WDR7: variants seen among roughly 807,000 people sequenced by gnomAD.
WDR7 encodes the protein WD repeat-containing protein 7.
Under a neutral mutation model 169.4 loss-of-function variants are expected in WDR7, and 46 were observed. The observed-to-expected ratio is 0.27, with a 90% CI of 0.21 to 0.35. The LOEUF (loss-of-function observed/expected upper bound fraction) is 0.35, where lower values mean the gene tolerates loss of function less well. WDR7 is among the 10% of genes least tolerant of loss of function. WDR7 has a pLI of 1.00. For missense variants in WDR7, 1,534 were observed against 1,859.3 expected (o/e 0.83, Z 3.22); for synonymous variants, 612 against 666.8 (o/e 0.92, Z 1.27).
intron 20 of WDR7, among the ~76,000 whole-genome samples, chr18:56,875,999 G>T (rs1421528912): frequency 1.3e-5 from 2 of 152,098 alleles, no homozygotes; most frequent in Non-Finnish European, 2.9e-5. Flanking sequence ...AACAGTGAAT[G>T]AATCTAACAT....
intron 26 of WDR7, among the ~76,000 whole-genome samples, chr18:56,995,128 T>G (rs1051495288): frequency 6.6e-6 from 1 of 152,202 alleles, no homozygotes; most frequent in Admixed American, 6.5e-5. Flanking sequence ...CTAAGGATAT[T>G]AAATTCTGAA....
chr18:56,656,061 T>G (rs2024761544), intron 1 of WDR7, among the ~76,000 whole-genome samples: 1 of 151,964 alleles, frequency 6.6e-6, no homozygotes, highest in African/African-American at 2.4e-5. Context: ...TTGTACAGTT[T>G]TGTGTGTGTG....
At chr18:56,930,713 G>A (rs1225882248) in intron 22 of WDR7, among the ~76,000 whole-genome samples, 3 of 152,194 alleles carry the variant, frequency 2.0e-5, no homozygotes, top group African/African-American at 4.8e-5. Context: ...CATTAAGTAT[G>A]TGTTTTTAAA....
chr18:56,782,724 T>C (rs1251774141), intron 19 of WDR7, among the ~76,000 whole-genome samples: 1 of 152,072 alleles, frequency 6.6e-6, no homozygotes, highest in East Asian at 1.9e-4. Flanking sequence ...AGAAGGAAAA[T>C]GAAAACAAAA....
At chr18:56,976,315 A>AGTG (rs1254923238) in intron 26 of WDR7, among the ~76,000 whole-genome samples, 1 of 152,238 alleles carries the variant, frequency 6.6e-6, no homozygotes, top group Non-Finnish European at 1.5e-5. Context: ...TAGTGAGAAA[A>AGTG]AGGATGTGCT....
chr18:56,863,527 A>G (rs1174665819), intron 20 of WDR7, among the ~76,000 whole-genome samples: 2 of 151,642 alleles, frequency 1.3e-5, no homozygotes, highest in Admixed American at 1.3e-4. Flanking sequence ...AATTTTATAA[A>G]TTATTATAGA....
At chr18:56,860,706 AT>A (rs35730599) in intron 20 of WDR7, among the ~76,000 whole-genome samples, 8,605 of 152,228 alleles carry the variant, frequency 0.057, 854 homozygotes, top group African/African-American at 0.2. Context: ...AGTTAAAAAA[AT>A]GTCTTTATTA....
rs3745041 is a variant in WDR7 at position 56,731,184 on chromosome 18, C to T, written c.1775-199C>T. ...CTTTATTGGGAAGTTGCATCAGGGACTTTGTGGGAGAGGAATTCATTGAGG... is the reference window on the plus strand; with the variant it reads ...CTTTATTGGGAAGTTGCATCAGGGATTTTGTGGGAGAGGAATTCATTGAGG... On this transcript the variant is annotated intron_variant, in intron 13 of 27. Coordinates refer to ENST00000254442, the MANE Select transcript of WDR7 (RefSeq NM_015285.3). Among the ~76,000 whole-genome samples the T allele has an allele frequency of 3.4e-3, 524 of 151,934 alleles. 1 individual carries two copies. The highest frequency in any genetic ancestry group is 0.028 in the East Asian group (147 of 5,170).
chr18:57,032,527 A>G (rs2048446425), downstream of WDR7: 1 of 152,124 alleles, frequency 6.6e-6, no homozygotes, highest in South Asian at 2.1e-4. Context: ...GAGCCAGCAA[A>G]GTTTCATCTG....
At chr18:56,902,200 A>T (rs2046412702) in intron 21 of WDR7, among the ~76,000 whole-genome samples, 1 of 152,148 alleles carries the variant, frequency 6.6e-6, no homozygotes, top group South Asian at 2.1e-4. Flanking sequence ...GCAATAACAC[A>T]AGTCCTAAAA....
Position 56,694,656 on chromosome 18 carries a change from G to A in WDR7, c.1004G>A (p.Gly335Glu), listed in dbSNP as rs1363097118. Residue 335 changes from glycine to glutamate, a missense_variant, in exon 10 of 28, where the codon GGA (glycine) becomes GAA (glutamate). Gly to Glu is a moderately conservative substitution (Grantham distance 98). Coordinates refer to ENST00000254442, the MANE Select transcript of WDR7 (RefSeq NM_015285.3). ...CCTCCTGTTACTCGGTTCTTCTATGGATGCAGAGAATATTTCCATAAACTG... is the reference window on the plus strand; with the variant it reads ...CCTCCTGTTACTCGGTTCTTCTATGAATGCAGAGAATATTTCCATAAACTG... Reference protein sequence around the residue: ...ICPPVTRFFYGCREYFHKLLI... With the variant: ...ICPPVTRFFYECREYFHKLLI... 1 of 1,612,420 alleles carries A rather than the reference G, an allele frequency of 6.2e-7. No individual in the cohort carries two copies. The highest frequency in any genetic ancestry group is 1.7e-5 in the Admixed American group (1 of 59,952).
At position 56,700,035 on chromosome 18, in the gene WDR7, A is replaced by C. The variant is rs1440984622; in HGVS notation, c.1578+3573A>C. The C allele has an allele frequency of 1.8e-5, 5 of 276,420 alleles. No homozygotes were observed. In the East Asian group the frequency reaches 8.8e-4, roughly 48 times the overall value. 17.1% of individuals were successfully genotyped at this position (276,420 alleles called of 1,614,324 possible). ...TAGCATTAATTTAGTGGCAGACTTA[A>C]GTGGTTTTGTATGCTTTATTTTTAA... On this transcript the variant is annotated intron_variant, in intron 12 of 27. Transcript: ENST00000254442.
At position 57,027,213 on chromosome 18, in the gene WDR7, C is replaced by A; in HGVS notation, c.*6C>A. The A allele has an allele frequency of 6.2e-7, 1 of 1,609,170 alleles. No homozygotes were observed. On this transcript the variant is annotated 3_prime_UTR_variant, in exon 28 of 28. Transcript: ENST00000254442. ...AGCACCGCTTCATGGTCTAATGCTG[C>A]TGCCTGCCGCCGTGACTGCGTTTTA...
intron 25 of WDR7, among the ~76,000 whole-genome samples, chr18:56,957,058 A>C (rs1410586719): frequency 6.6e-6 from 1 of 152,184 alleles, no homozygotes; most frequent in African/African-American, 2.4e-5. Context: ...ACCTAGGTAT[A>C]CAAGGATCTG....
In WDR7 at chr18:56,870,936, T is replaced by C. The variant is rs1222837746; in HGVS notation, c.3305-9008T>C. On this transcript the variant is annotated intron_variant, in intron 20 of 27. Coordinates refer to ENST00000254442, the MANE Select transcript of WDR7 (RefSeq NM_015285.3). The stretch of plus-strand genomic sequence containing the variant: ...CTATCATGTATTGTTTTAAACTCAA[T>C]ACAGTATACAGTTTTATATATGCTT... Among the ~76,000 whole-genome samples, 7 of 152,338 alleles carry C rather than the reference T, an allele frequency of 4.6e-5. No homozygotes were observed. The South Asian group carries it at 1.0e-3, about 23-fold the overall frequency.
intron 21 of WDR7, among the ~76,000 whole-genome samples, chr18:56,893,003 T>C (rs2046284706): frequency 6.6e-6 from 1 of 152,048 alleles, no homozygotes; most frequent in Non-Finnish European, 1.5e-5. Context: ...TTAAGTAGTA[T>C]GAAGGCTTTA....
intron 26 of WDR7, among the ~76,000 whole-genome samples, chr18:57,020,294 G>T (rs956944017): frequency 6.6e-6 from 1 of 152,210 alleles, no homozygotes; most frequent in African/African-American, 2.4e-5. Context: ...TTAAGGAGAT[G>T]AAATTATAGT....
intron 27 of WDR7, among the ~76,000 whole-genome samples, chr18:57,021,501 ACTCATAATG>A (rs1278086352): frequency 4.6e-5 from 7 of 152,166 alleles, no homozygotes; most frequent in Non-Finnish European, 4.4e-5. Flanking sequence ...CCCACATAAT[ACTCATAATG>A]CTCAAACTGT....
chr18:56,932,457 C>T (rs1326634546), intron 22 of WDR7, among the ~76,000 whole-genome samples: 5 of 152,212 alleles, frequency 3.3e-5, no homozygotes, highest in South Asian at 2.1e-4. Flanking sequence ...TTTGCTGATT[C>T]CCCCAAATTC....
Sources: allele counts gnomAD v4.1 joint callset (sites outside exome capture counted in the v4.1 genomes callset), GRCh38; gene constraint gnomAD v4.1.1; transcripts MANE v1.5; gene names NCBI Gene and HGNC (gene_info 2026-07-23, HGNC 2026-07-21).